FAM20A: variants seen among roughly 807,000 people sequenced by gnomAD.
The protein encoded by FAM20A is FAM20A golgi associated secretory pathway pseudokinase.
FAM20A carries 42 observed loss-of-function variants against 52.0 expected under a neutral mutation model. The ratio of observed to expected loss-of-function variants is 0.81; its 90% CI spans 0.63 to 1.04. FAM20A has a LOEUF of 1.04. Ranked by LOEUF, FAM20A falls within the 50% of genes least tolerant of loss-of-function variation. FAM20A has a pLI of 0.00. For missense variants in FAM20A, 742 were observed against 712.7 expected (o/e 1.04, Z -0.47); for synonymous variants, 304 against 298.9 (o/e 1.02, Z -0.18).
chr17:68,592,383 A>C (rs2088338501), intron 1 of FAM20A, among the ~76,000 whole-genome samples: 1 of 152,218 alleles, frequency 6.6e-6, no homozygotes, highest in African/African-American at 2.4e-5. Context: ...AGAATTATAA[A>C]AAAATTCCGT....
intron 4 of FAM20A, among the ~76,000 whole-genome samples, chr17:68,547,286 T>A (rs532269123): frequency 1.3e-5 from 2 of 152,184 alleles, no homozygotes; most frequent in Non-Finnish European, 2.9e-5. Flanking sequence ...TATTTTTTTA[T>A]TATACTTTAA....
chr17:68,552,897 G>A (rs1423115854), intron 3 of FAM20A, among the ~76,000 whole-genome samples: 2 of 109,528 alleles, frequency 1.8e-5, no homozygotes, highest in Admixed American at 8.5e-5. Context: ...TAGCCAGGAT[G>A]GTCTCGATCT....
chr17:68,599,267 A>G (rs1598090956), intron 1 of FAM20A, among the ~76,000 whole-genome samples: 1 of 152,144 alleles, frequency 6.6e-6, no homozygotes, highest in Non-Finnish European at 1.5e-5. Flanking sequence ...AATCTCTTGT[A>G]TTAAGTAAAG....
At chr17:68,593,903 C>T (rs2088376544) in intron 1 of FAM20A, among the ~76,000 whole-genome samples, 1 of 152,130 alleles carries the variant, frequency 6.6e-6, no homozygotes, top group Admixed American at 6.5e-5. Flanking sequence ...GGAGGGACCA[C>T]AGTGGGGAGA....
chr17:68,572,669 CTCA>C (rs2087598846), intron 1 of FAM20A, among the ~76,000 whole-genome samples: 1 of 152,208 alleles, frequency 6.6e-6, no homozygotes, highest in South Asian at 2.1e-4. Context: ...AACGAGCTGA[CTCA>C]TCATCAGAAT....
intron 1 of FAM20A, among the ~76,000 whole-genome samples, chr17:68,596,660 T>C (rs1425259017): frequency 6.6e-6 from 1 of 152,206 alleles, no homozygotes; most frequent in Non-Finnish European, 1.5e-5. Context: ...GGCTTGTTAG[T>C]GTATGGCCTG....
chr17:68,567,865 C>G (rs1258589527), intron 1 of FAM20A, among the ~76,000 whole-genome samples: 1 of 151,890 alleles, frequency 6.6e-6, no homozygotes, highest in Admixed American at 6.5e-5. Context: ...TAGTGTGGCA[C>G]TTCCTTGTTC....
intron 5 of FAM20A, among the ~76,000 whole-genome samples, chr17:68,543,097 T>C (rs2086382524): frequency 6.6e-6 from 1 of 152,218 alleles, no homozygotes. Flanking sequence ...GCTTCTCATA[T>C]TTTAATGTTC....
chr17:68,600,992 G>C lies in FAM20A; in HGVS notation c.-326C>G, dbSNP rs2088609289. 1.1e-5 allele frequency: 2 copies of C among 188,152 alleles called. No homozygotes were observed. The highest frequency in any genetic ancestry group is 1.2e-4 in the Admixed American group (2 of 16,174). 11.7% of individuals were successfully genotyped at this position (188,152 alleles called of 1,614,324 possible). On this transcript the variant is annotated 5_prime_UTR_variant, in exon 1 of 11. Transcript: ENST00000592554. This position sits in a 1 kb window ranked among gnomAD's most constrained non-coding sequence, Gnocchi z 6.2. ...CCGCCCGCCCGGACGCTCGCGGCAG[G>C]TGAAGGGCCCCGGGGCGCCGGCGCC... is the stretch of plus-strand genomic sequence containing the variant.
chr17:68,537,272 C>A lies in FAM20A; in HGVS notation c.*205G>T. ...CCAGTGCTTTTTGGGAAAAACGGAG[C>A]AAGGCAACGCACGACAGAAGCGGTG... is the stretch of plus-strand genomic sequence containing the variant. On this transcript the variant is annotated 3_prime_UTR_variant, in exon 11 of 11. Coordinates refer to ENST00000592554, the MANE Select transcript of FAM20A (RefSeq NM_017565.4). The surrounding 1 kb of genome is among the most constrained non-coding windows in gnomAD (Gnocchi z 4.2). 1.4e-6 allele frequency: 1 copy of A among 738,812 alleles called. No individual in the cohort carries two copies. The highest frequency in any genetic ancestry group is 2.4e-6 in the Non-Finnish European group (1 of 424,430). 45.8% of individuals were successfully genotyped at this position (738,812 alleles called of 1,614,324 possible).
chr17:68,551,856 G>A lies in FAM20A; in HGVS notation c.719+17C>T. On this transcript the variant is annotated intron_variant, in intron 4 of 10. Coordinates refer to ENST00000592554, the MANE Select transcript of FAM20A (RefSeq NM_017565.4). ...CCACCCCAACTGGGTGTGGAAAGGA[G>A]GAAGGCAGTCACTTACCTCATGGGT... 6.4e-7 allele frequency: 1 copy of A among 1,561,204 alleles called. No individual in the cohort carries two copies. The highest frequency in any genetic ancestry group is 8.7e-7 in the Non-Finnish European group (1 of 1,149,514).
intron 1 of FAM20A, among the ~76,000 whole-genome samples, chr17:68,580,804 A>G (rs544114055): frequency 3.5e-4 from 54 of 152,206 alleles, no homozygotes; most frequent in Non-Finnish European, 7.6e-4. Flanking sequence ...TGCTCTTTTA[A>G]CTCATTTCAC....
intron 1 of FAM20A, among the ~76,000 whole-genome samples, chr17:68,571,531 T>G (rs1274258118): frequency 6.6e-6 from 1 of 152,332 alleles, no homozygotes; most frequent in South Asian, 2.1e-4. Flanking sequence ...AAGAGCACTC[T>G]GTCACACAGA....
intron 4 of FAM20A, 135 bp from the exon 5 acceptor site, chr17:68,543,856 C>G: frequency 1.3e-6 from 1 of 779,546 alleles, no homozygotes; most frequent in South Asian, 1.4e-5. Context: ...GATGGCACGG[C>G]AAGTCAGGAA....
rs2086098754 is a variant in FAM20A at position 68,536,453 on chromosome 17, CA to C, written c.*1023del. 2.2e-6 allele frequency: 1 copy of C among 453,966 alleles called. No individual in the cohort carries two copies. The highest frequency in any genetic ancestry group is 4.4e-6 in the Non-Finnish European group (1 of 226,786). The allele number at this position is 453,966 out of a possible 1,614,324, so 28.1% of individuals were successfully genotyped here. Reference sequence around the variant, plus strand: ...CAAGTCAGGGAGAAGGTAGAGGAGACAAGGAATCCCTACTACACTTTCTTCT... The same window carrying C: ...CAAGTCAGGGAGAAGGTAGAGGAGACAGGAATCCCTACTACACTTTCTTCT... On this transcript the variant is annotated 3_prime_UTR_variant, in exon 11 of 11. Coordinates refer to ENST00000592554, the MANE Select transcript of FAM20A (RefSeq NM_017565.4).
At chr17:68,553,420 TGTA>T (rs760574168) in intron 3 of FAM20A, among the ~76,000 whole-genome samples, 1 of 152,210 alleles carries the variant, frequency 6.6e-6, no homozygotes, top group Non-Finnish European at 1.5e-5. Context: ...CACCATCAGA[TGTA>T]GTCACATGTA....
Position 68,600,795 on chromosome 17 carries a change from G to C in FAM20A, c.-129C>G. ...GGGCCGGGGTCAGTGAGACCGGAAT[G>C]CTCCCCGCGCGGGCTAGTCCCCTGT... On this transcript the variant is annotated 5_prime_UTR_variant, in exon 1 of 11. Transcript: ENST00000592554. The surrounding 1 kb of genome is among the most constrained non-coding windows in gnomAD (Gnocchi z 6.2). The C allele has an allele frequency of 9.6e-7, 1 of 1,040,256 alleles. No homozygotes were observed. The highest frequency in any genetic ancestry group is 1.4e-6 in the Non-Finnish European group (1 of 739,210). 64.4% of individuals were successfully genotyped at this position (1,040,256 alleles called of 1,614,324 possible).
Position 68,535,714 on chromosome 17 carries a change from G to A in FAM20A, c.*1763C>T, listed in dbSNP as rs2086079273. 2.2e-6 allele frequency: 1 copy of A among 448,776 alleles called. No individual in the cohort carries two copies. The highest frequency in any genetic ancestry group is 2.0e-5 in the African/African-American group (1 of 48,988). 27.8% of individuals were successfully genotyped at this position (448,776 alleles called of 1,614,324 possible). A position where few individuals can be genotyped will look rare whatever the true frequency, so the allele number is the denominator to read the frequency against. Reference sequence around the variant, plus strand: ...TTTTGTAGAGACAGGGTTTTGTCATGTTACCCAGGCTGGTCTCGAGCTCCT... The same window carrying A: ...TTTTGTAGAGACAGGGTTTTGTCATATTACCCAGGCTGGTCTCGAGCTCCT... On this transcript the variant is annotated 3_prime_UTR_variant, in exon 11 of 11. Transcript: ENST00000592554.
chr17:68,578,869 A>AG (rs70938125), intron 1 of FAM20A, among the ~76,000 whole-genome samples: 119,956 of 120,060 alleles, frequency 1, 59,934 homozygotes, highest in Middle Eastern at 1. Context: ...AAAAAAAATT[A>AG]CTGGGCGTGG....
Sources: gnomAD v4.1 joint callset for allele counts (sites outside exome capture counted in the v4.1 genomes callset) on GRCh38, gnomAD v4.1.1 for gene constraint, Gnocchi (gnomAD v3.1) non-coding constraint, MANE v1.5 for transcripts, NCBI Gene and HGNC (gene_info 2026-07-23, HGNC 2026-07-21) for gene names.